Variants in LINGO2 observed in about 807,000 individuals in gnomAD.
LINGO2 encodes leucine-rich repeat and immunoglobulin-like domain-containing nogo receptor-interacting protein 2.
Under a neutral mutation model 30.6 loss-of-function variants are expected in LINGO2, and 14 were observed. The observed-to-expected ratio is 0.46, with a 90% confidence interval of 0.30 to 0.72. The LOEUF (loss-of-function observed/expected upper bound fraction) is 0.72. Among genes scored for constraint, LINGO2 ranks in the 30% least tolerant of loss-of-function variants. The pLI, the probability that LINGO2 is intolerant of heterozygous loss-of-function variation, is 0.07. For missense variants in LINGO2, 729 were observed against 751.7 expected, an observed-to-expected ratio of 0.97 and a Z score of 0.35; for synonymous variants, 317 against 288.5, an observed-to-expected ratio of 1.10 and a Z score of -1.00.
chr9:28,424,856 C>T (rs1211146283), intron 2 of LINGO2, among the ~76,000 whole-genome samples: 1 of 151,854 alleles, frequency 6.6e-6, no homozygotes, highest in African/African-American at 2.4e-5. Flanking sequence ...ATGGTCAGGC[C>T]CTGGAATTAA....
the LINGO2 span, among the ~76,000 whole-genome samples, chr9:28,964,109 C>CAT: frequency 0.033 from 4,909 of 150,782 alleles, 263 homozygotes; most frequent in African/African-American, 0.11. Context: ...CACACACACG[C>CAT]ATATATATAT....
chr9:28,741,382 T>C, the LINGO2 span, among the ~76,000 whole-genome samples: 1 of 151,760 alleles, frequency 6.6e-6, no homozygotes, highest in African/African-American at 2.4e-5. Context: ...CCCTGGGCCA[T>C]AGGGGTTGGC....
At chr9:28,852,727 A>C in the LINGO2 span, among the ~76,000 whole-genome samples, 1 of 152,064 alleles carries the variant, frequency 6.6e-6, no homozygotes, top group African/African-American at 2.4e-5. Flanking sequence ...GATTATTTCA[A>C]TATATCACTT....
the LINGO2 span, among the ~76,000 whole-genome samples, chr9:29,011,791 GA>G: frequency 6.6e-6 from 1 of 152,042 alleles, no homozygotes; most frequent in Non-Finnish European, 1.5e-5. Flanking sequence ...ATTTATTAAA[GA>G]AGAAACATTA....
At chr9:28,477,232 C>A (rs1034366639) in intron 1 of LINGO2, among the ~76,000 whole-genome samples, 6 of 151,936 alleles carry the variant, frequency 3.9e-5, no homozygotes, top group Non-Finnish European at 8.8e-5. Flanking sequence ...GCAATAATTA[C>A]GTATTGTTTA....
intron 3 of LINGO2, among the ~76,000 whole-genome samples, chr9:28,301,604 C>G (rs964521639): frequency 2.6e-5 from 4 of 151,928 alleles, no homozygotes; most frequent in Non-Finnish European, 4.4e-5. Flanking sequence ...TAGAACAAAG[C>G]CATTTTTTAA....
intron 4 of LINGO2, among the ~76,000 whole-genome samples, chr9:28,245,605 C>G (rs1473257626): frequency 6.6e-6 from 1 of 152,280 alleles, no homozygotes; most frequent in South Asian, 2.1e-4. Context: ...TCTCAGGATA[C>G]AAAATCAATG....
intron 4 of LINGO2, among the ~76,000 whole-genome samples, chr9:28,132,106 C>A (rs1056357913): frequency 2.0e-5 from 3 of 152,170 alleles, no homozygotes; most frequent in Non-Finnish European, 4.4e-5. Flanking sequence ...GCTAAATATG[C>A]AGCCCAGTTT....
chr9:28,726,199 A>G, the LINGO2 span, among the ~76,000 whole-genome samples: 2 of 152,086 alleles, frequency 1.3e-5, no homozygotes, highest in East Asian at 1.9e-4. Flanking sequence ...TAAGAGCTCT[A>G]TGTGTGAGTC....
chr9:28,460,843 G>A (rs1271522313), intron 2 of LINGO2, among the ~76,000 whole-genome samples: 1 of 151,988 alleles, frequency 6.6e-6, no homozygotes, highest in East Asian at 1.9e-4. Context: ...GGAGGAGTGG[G>A]AGGTGAAGAA....
chr9:28,179,020 T>C (rs1828824631), intron 4 of LINGO2, among the ~76,000 whole-genome samples: 1 of 152,008 alleles, frequency 6.6e-6, no homozygotes, highest in Non-Finnish European at 1.5e-5. Flanking sequence ...ATAATATAGT[T>C]TTTGCAGACC....
At chr9:28,431,301 G>C (rs1823667791) in intron 2 of LINGO2, among the ~76,000 whole-genome samples, 1 of 152,168 alleles carries the variant, frequency 6.6e-6, no homozygotes, top group Non-Finnish European at 1.5e-5. Context: ...AAAGCTATTT[G>C]AGAGCTGAAA....
At chr9:28,109,390 G>A (rs192715619) in intron 4 of LINGO2, among the ~76,000 whole-genome samples, 9 of 152,218 alleles carry the variant, frequency 5.9e-5, no homozygotes, top group Admixed American at 2.0e-4. Context: ...GGAAGTTCTG[G>A]CCAGGACAAT....
rs772157537 is a variant in LINGO2, at chr9:28,561,749, G to GTGTATATATA, written c.-364-85725_-364-85724insTATATATACA. Among the ~76,000 whole-genome samples the GTGTATATATA allele has an allele frequency of 9.4e-4, 46 of 48,716 alleles. 5 individuals carry two copies. Among genetic ancestry groups the GTGTATATATA allele is most frequent in the South Asian group, 1.3e-3 (2 of 1,532 alleles). 32.0% of individuals were successfully genotyped at this position (48,716 alleles called of 152,430 possible). ...TATATATAATTTTGTGTGTGTGTGTGTATATATATATATATATATATATAT... is the reference window on the plus strand; with the variant it reads ...TATATATAATTTTGTGTGTGTGTGTGTGTATATATATATATATATATATATATATATATAT... On this transcript the variant is annotated intron_variant, in intron 1 of 5. Transcript: ENST00000379992.
the LINGO2 span, among the ~76,000 whole-genome samples, chr9:29,110,287 C>A: frequency 6.6e-6 from 1 of 152,162 alleles, no homozygotes; most frequent in Non-Finnish European, 1.5e-5. Context: ...TAATCTCCTG[C>A]CATAACTAAT....
intron 4 of LINGO2, among the ~76,000 whole-genome samples, chr9:28,041,140 A>G (rs1349388063): frequency 2.7e-5 from 4 of 150,758 alleles, no homozygotes; most frequent in Non-Finnish European, 4.4e-5. Context: ...GTTCCCTCAA[A>G]AGAGATCCAA....
intron 4 of LINGO2, among the ~76,000 whole-genome samples, chr9:28,225,873 A>G (rs1251951546): frequency 6.6e-6 from 1 of 152,154 alleles, no homozygotes; most frequent in Admixed American, 6.5e-5. Flanking sequence ...CATAAGATTG[A>G]AACAAATGGC....
intron 4 of LINGO2, among the ~76,000 whole-genome samples, chr9:28,282,343 T>C (rs937948552): frequency 2.0e-5 from 3 of 151,662 alleles, no homozygotes; most frequent in Non-Finnish European, 4.4e-5. Context: ...TGATAAGTAA[T>C]GAGTGAATGA....
At chr9:29,013,749 T>C in the LINGO2 span, among the ~76,000 whole-genome samples, 1 of 152,176 alleles carries the variant, frequency 6.6e-6, no homozygotes, top group African/African-American at 2.4e-5. Context: ...ATAAATCTCA[T>C]TCTATTTCCA....
Sources: allele counts gnomAD v4.1 joint callset (sites outside exome capture counted in the v4.1 genomes callset), GRCh38; gene constraint gnomAD v4.1.1; transcripts MANE v1.5; gene names NCBI Gene and HGNC (gene_info 2026-07-23, HGNC 2026-07-21).